DPYD: variants seen among roughly 807,000 people sequenced by gnomAD.
The protein encoded by DPYD is dihydropyrimidine dehydrogenase [NADP(+)].
Under a neutral mutation model 116.2 loss-of-function variants are expected in DPYD, and 109 were observed. That is an observed-to-expected ratio of 0.94 (90% CI 0.80 to 1.10). The LOEUF (loss-of-function observed/expected upper bound fraction) is 1.10, where lower values mean the gene tolerates loss of function less well. Among genes scored for constraint, DPYD ranks in the 50% least tolerant of loss-of-function variants. The pLI is 0.00. For synonymous variants in DPYD, 440 were observed against 432.0 expected (o/e 1.02, Z -0.23); for missense variants, 1,302 against 1,254.5 (o/e 1.04, Z -0.57).
intron 21 of DPYD, chr1:97,096,027 G>A (rs912680862): frequency 6.6e-6 from 1 of 152,182 alleles, no homozygotes; most frequent in Admixed American, 6.5e-5. Context: ...TATGTAACAT[G>A]TAACACCAAG....
At chr1:97,660,114 G>A (rs1024072439) in intron 8 of DPYD, among the ~76,000 whole-genome samples, 3 of 152,054 alleles carry the variant, frequency 2.0e-5, no homozygotes. Flanking sequence ...TAATATGCTT[G>A]TCACAATAAT....
chr1:97,277,803 T>A (rs928498391), intron 18 of DPYD, among the ~76,000 whole-genome samples: 1 of 152,202 alleles, frequency 6.6e-6, no homozygotes, highest in Non-Finnish European at 1.5e-5. Flanking sequence ...GCCCATTTAT[T>A]TAGAAATTGA....
chr1:97,312,403 A>C (rs982094584), intron 16 of DPYD, among the ~76,000 whole-genome samples: 1 of 151,904 alleles, frequency 6.6e-6, no homozygotes, highest in Non-Finnish European at 1.5e-5. Flanking sequence ...TTTAAATTCC[A>C]ATTCCAAATA....
At chr1:97,152,439 TAC>T (rs71590217) in intron 20 of DPYD, among the ~76,000 whole-genome samples, 6,182 of 145,150 alleles carry the variant, frequency 0.043, 224 homozygotes, top group African/African-American at 0.096. Flanking sequence ...CTGAATCACA[TAC>T]ACACACACAC....
intron 16 of DPYD, among the ~76,000 whole-genome samples, chr1:97,345,857 C>T (rs1460649034): frequency 6.6e-6 from 1 of 151,888 alleles, no homozygotes; most frequent in Non-Finnish European, 1.5e-5. Context: ...AATAGAAGTA[C>T]ACAAACAATA....
chr1:97,444,807 A>C (rs368078923), intron 14 of DPYD, among the ~76,000 whole-genome samples: 1 of 152,148 alleles, frequency 6.6e-6, no homozygotes, highest in Non-Finnish European at 1.5e-5. Flanking sequence ...TCTTTATAGA[A>C]TACAGAAATC....
intron 20 of DPYD, among the ~76,000 whole-genome samples, chr1:97,176,954 T>C (rs1657324648): frequency 2.0e-5 from 3 of 151,474 alleles, no homozygotes; most frequent in Admixed American, 1.3e-4. Context: ...CACAGAAATA[T>C]TGTTTATCTC....
chr1:97,107,279 G>A (rs916169434), intron 20 of DPYD, among the ~76,000 whole-genome samples: 2 of 152,210 alleles, frequency 1.3e-5, no homozygotes, highest in East Asian at 3.9e-4. Flanking sequence ...TAGGAACTTT[G>A]TTAACTGGGG....
At chr1:97,186,062 C>T (rs1657975313) in intron 20 of DPYD, among the ~76,000 whole-genome samples, 2 of 152,122 alleles carry the variant, frequency 1.3e-5, no homozygotes, top group South Asian at 4.1e-4. Flanking sequence ...TCTTTTGAAA[C>T]TGTCATTATG....
At chr1:97,375,574 T>C (rs1671566228) in intron 15 of DPYD, among the ~76,000 whole-genome samples, 1 of 152,198 alleles carries the variant, frequency 6.6e-6, no homozygotes, top group South Asian at 2.1e-4. Flanking sequence ...TGCTCTTTCC[T>C]TGATGGTTTG....
intron 3 of DPYD, among the ~76,000 whole-genome samples, chr1:97,815,929 G>A (rs996381874): frequency 2.6e-5 from 4 of 152,118 alleles, no homozygotes; most frequent in African/African-American, 9.7e-5. Flanking sequence ...GGCCTTTCCA[G>A]CCACCATATG....
rs1294982479 is a variant in DPYD at position 97,201,814 on chromosome 1, G to C, written c.2443-8566C>G. On this transcript the variant is annotated intron_variant, in intron 19 of 22. Coordinates refer to ENST00000370192, the MANE Select transcript of DPYD (RefSeq NM_000110.4). ...AGTTTCCTGGCAATTGAGACAGCAG[G>C]CTCTCTCATCTGCTCTGTAACTGTG... Among the ~76,000 whole-genome samples, 3 of 152,054 alleles carry C rather than the reference G, an allele frequency of 2.0e-5. No homozygotes were observed. In the East Asian group the frequency reaches 5.8e-4, roughly 29 times the overall value.
chr1:97,255,417 A>T (rs1663383879), intron 18 of DPYD, among the ~76,000 whole-genome samples: 1 of 152,140 alleles, frequency 6.6e-6, no homozygotes, highest in South Asian at 2.1e-4. Context: ...TAATTAAATC[A>T]TGTGGGCAGG....
At chr1:97,180,795 G>A (rs1275580813) in intron 20 of DPYD, among the ~76,000 whole-genome samples, 3 of 152,144 alleles carry the variant, frequency 2.0e-5, no homozygotes, top group African/African-American at 7.2e-5. Context: ...GACAAAAGAA[G>A]TAACTGCATT....
At position 97,485,540 on chromosome 1, in the gene DPYD, A is replaced by C. The variant is rs538620534; in HGVS notation, c.1740+30186T>G. Among the ~76,000 whole-genome samples, 430 of 152,004 alleles carry C rather than the reference A, an allele frequency of 2.8e-3. 1 individual carries two copies. Among genetic ancestry groups the C allele is most frequent in the Non-Finnish European group, 3.7e-3 (253 of 68,000 alleles). On this transcript the variant is annotated intron_variant, in intron 13 of 22. Coordinates refer to ENST00000370192, the MANE Select transcript of DPYD (RefSeq NM_000110.4). ...TTTAGAACTTCTCATTGTATTTTCC[A>C]TGTCATTTAATATTTTATTCATATT...
chr1:97,194,597 CGGG>C (rs1658617142), intron 19 of DPYD, among the ~76,000 whole-genome samples: 1 of 151,958 alleles, frequency 6.6e-6, no homozygotes, highest in Non-Finnish European at 1.5e-5. Flanking sequence ...CTCCACCTCC[CGGG>C]TTCAAGCAAT....
At chr1:97,836,206 T>C (rs547721730) in intron 2 of DPYD, among the ~76,000 whole-genome samples, 2 of 152,282 alleles carry the variant, frequency 1.3e-5, no homozygotes, top group South Asian at 2.1e-4. Flanking sequence ...CTGTTACTAC[T>C]TGAACATCAG....
At chr1:97,228,122 C>G (rs923747227) in intron 19 of DPYD, among the ~76,000 whole-genome samples, 7 of 149,838 alleles carry the variant, frequency 4.7e-5, no homozygotes, top group African/African-American at 1.7e-4. Context: ...AATGTAAGCC[C>G]AATAAGGTAA....
chr1:97,721,029 T>A, intron 5 of DPYD: 1 of 1,457,942 alleles, frequency 6.9e-7, no homozygotes, highest in South Asian at 1.3e-5. Flanking sequence ...CAAAATCTAA[T>A]GACATTATTA....
Sources: gnomAD v4.1 joint callset for allele counts (sites outside exome capture counted in the v4.1 genomes callset) on GRCh38, gnomAD v4.1.1 for gene constraint, MANE v1.5 for transcripts, NCBI Gene and HGNC (gene_info 2026-07-23, HGNC 2026-07-21) for gene names.